The following CTNNAL1 variants were observed in gnomAD, a reference collection of about 807,000 sequenced individuals.
The protein encoded by CTNNAL1 is catenin alpha like 1.
Under a neutral mutation model 93.6 loss-of-function variants are expected in CTNNAL1, and 69 were observed. The observed-to-expected ratio is 0.74, with a 90% CI of 0.61 to 0.90. The LOEUF is 0.90. CTNNAL1 is among the 40% of genes least tolerant of loss of function. The probability of loss-of-function intolerance (pLI) is 0.00; values close to 1 mark genes in which losing one functional copy is unlikely to be tolerated. For missense variants in CTNNAL1, 836 were observed against 862.0 expected, an observed-to-expected ratio of 0.97 and a Z score of 0.38; for synonymous variants, 286 against 305.4, an observed-to-expected ratio of 0.94 and a Z score of 0.66.
rs191491997 is a variant in CTNNAL1, at chr9:108,952,534, T to C, written c.1630-40A>G. ...AGATTAAGATTATCTTAAAAAGCAG[T>C]ACATTAAACTGTAAGGAAATACAAT... On this transcript the variant is annotated intron_variant, in intron 12 of 18. Coordinates refer to ENST00000325551, the MANE Select transcript of CTNNAL1 (RefSeq NM_003798.4). 3.1e-6 allele frequency: 5 copies of C among 1,608,348 alleles called. No homozygotes were observed. The Admixed American group carries it at 8.4e-5, about 27-fold the overall frequency.
At chr9:109,003,547 T>C (rs892338054) in intron 1 of CTNNAL1, among the ~76,000 whole-genome samples, 1 of 152,220 alleles carries the variant, frequency 6.6e-6, no homozygotes, top group African/African-American at 2.4e-5. Flanking sequence ...ACTTGAGTCT[T>C]AATCAAGGAA....
At chr9:108,965,277 G>T in intron 11 of CTNNAL1, 101 bp downstream of exon 11, 1 of 990,342 alleles carries the variant, frequency 1.0e-6, no homozygotes, top group Non-Finnish European at 1.4e-6. Context: ...ACCCAGCTGG[G>T]TTACGACAAG....
chr9:108,979,251 AT>A, intron 7 of CTNNAL1, 29 bp downstream of exon 7: 1 of 1,612,936 alleles, frequency 6.2e-7, no homozygotes, highest in Non-Finnish European at 8.5e-7. Context: ...ATTATATAAG[AT>A]TTACTTTGAT....
chr9:108,972,577 A>G, intron 9 of CTNNAL1, 98 bp downstream of exon 9: 1 of 1,046,094 alleles, frequency 9.6e-7, no homozygotes, highest in Non-Finnish European at 1.4e-6. Context: ...GAAAATGCTC[A>G]GATAAATTAA....
chr9:108,944,456 T>A (rs1267813645), intron 15 of CTNNAL1, among the ~76,000 whole-genome samples: 3 of 152,218 alleles, frequency 2.0e-5, no homozygotes, highest in African/African-American at 4.8e-5. Context: ...CCATACATAT[T>A]CCATAACCAG....
chr9:108,994,232 A>G (rs959293361), intron 2 of CTNNAL1, among the ~76,000 whole-genome samples: 1 of 149,148 alleles, frequency 6.7e-6, no homozygotes, highest in East Asian at 1.9e-4. Flanking sequence ...CTTGGTCTCA[A>G]AAAAAAAAAA....
At chr9:108,972,864 G>GGGGCC in intron 8 of CTNNAL1, 31 bp from the exon 9 acceptor site, 11 of 142,538 alleles carry the variant, frequency 7.7e-5, no homozygotes, top group Non-Finnish European at 1.1e-4. Context: ...GGGGGGGTGG[G>GGGGCC]AGGGTGGAGA....
intron 12 of CTNNAL1, among the ~76,000 whole-genome samples, chr9:108,954,744 G>A (rs1587947897): frequency 1.3e-5 from 2 of 152,118 alleles, no homozygotes; most frequent in African/African-American, 2.4e-5. Context: ...TTAAATGCCA[G>A]TCCCTTTTCA....
chr9:108,975,554 G>A (rs1403790125), intron 8 of CTNNAL1, among the ~76,000 whole-genome samples: 1 of 152,128 alleles, frequency 6.6e-6, no homozygotes, highest in African/African-American at 2.4e-5. Context: ...AAGTGAAAAA[G>A]GGAGAAGAGA....
chr9:108,973,909 A>G (rs1831188922), intron 8 of CTNNAL1, among the ~76,000 whole-genome samples: 1 of 152,228 alleles, frequency 6.6e-6, no homozygotes, highest in Non-Finnish European at 1.5e-5. Flanking sequence ...GAATAATTAC[A>G]GTTAGAAACA....
intron 15 of CTNNAL1, among the ~76,000 whole-genome samples, chr9:108,945,780 T>C (rs969752566): frequency 7.9e-5 from 12 of 152,266 alleles, no homozygotes; most frequent in Admixed American, 3.9e-4. Flanking sequence ...CAGACTGTTT[T>C]TACTGTTTTG....
chr9:108,977,610 A>G (rs1200129984), intron 7 of CTNNAL1, among the ~76,000 whole-genome samples: 3 of 152,148 alleles, frequency 2.0e-5, no homozygotes, highest in Non-Finnish European at 2.9e-5. Context: ...TTGTTTGTTT[A>G]AAGTCTATCT....
chr9:108,993,072 G>GT (rs919842578), intron 2 of CTNNAL1, among the ~76,000 whole-genome samples: 3 of 152,196 alleles, frequency 2.0e-5, no homozygotes, highest in African/African-American at 7.2e-5. Context: ...CATAATTTTT[G>GT]TTTCCAGTGG....
chr9:109,009,087 G>A (rs1314050706), intron 1 of CTNNAL1, among the ~76,000 whole-genome samples: 1 of 151,206 alleles, frequency 6.6e-6, no homozygotes, highest in Non-Finnish European at 1.5e-5. Flanking sequence ...GTAGAGACGG[G>A]GTTTCACCAT....
intron 4 of CTNNAL1, among the ~76,000 whole-genome samples, chr9:108,988,295 G>A (rs1340684094): frequency 1.3e-5 from 2 of 152,070 alleles, no homozygotes; most frequent in African/African-American, 4.8e-5. Flanking sequence ...TGTTGGCCAG[G>A]CTGGTCTCAA....
intron 4 of CTNNAL1, among the ~76,000 whole-genome samples, chr9:108,990,193 C>T (rs1428305055): frequency 1.3e-5 from 2 of 152,160 alleles, no homozygotes; most frequent in African/African-American, 4.8e-5. Context: ...GGTTCAGTTT[C>T]CCTATATGTA....
rs1288772898 is a variant in CTNNAL1, at chr9:109,013,409, C to G, written c.34G>C (p.Gly12Arg). The G allele has an allele frequency of 4.7e-6, 7 of 1,488,764 alleles. No individual in the cohort carries two copies. The highest frequency in any genetic ancestry group is 6.3e-6 in the Non-Finnish European group (7 of 1,118,078). The allele number at this position is 1,488,764 out of a possible 1,614,324, so 92.2% of individuals were successfully genotyped here. A position where few individuals can be genotyped will look rare whatever the true frequency, so the allele number is the denominator to read the frequency against. Residue 12 changes from glycine (G) to arginine (R), a missense_variant, in exon 1 of 19, where the codon GGC (glycine) becomes CGC (arginine). Transcript: ENST00000325551. ...CCGGAGCCGTAGACTGCTCCGGCGC[C>G]GCCAACGCCGGCGGGTCCGGGAGAG... ...AASPGPAGVG[G>R]AGAVYGSGSS...
At chr9:108,990,546 C>T (rs879509679) in intron 4 of CTNNAL1, among the ~76,000 whole-genome samples, 180 bp downstream of exon 4, 1 of 151,856 alleles carries the variant, frequency 6.6e-6, no homozygotes, top group Non-Finnish European at 1.5e-5. Flanking sequence ...TATAAATGTA[C>T]AAAAAAAGAC....
At position 108,972,769 on chromosome 9, in the gene CTNNAL1, A is replaced by G. The variant is rs1474603046; in HGVS notation, c.1253T>C (p.Leu418Pro). 6.2e-7 allele frequency: 1 copy of G among 1,602,902 alleles called. No individual in the cohort carries two copies. Among genetic ancestry groups the G allele is most frequent in the East Asian group, 2.3e-5 (1 of 44,184 alleles). Residue 418 changes from leucine (L) to proline (P), a missense_variant, in exon 9 of 19, where the codon CTA becomes CCA. Leu to Pro is a moderately conservative substitution (Grantham distance 98). Transcript: ENST00000325551. ...TACTCCAGTAAGTTTTAATGCTTTT[A>G]GAACCACATGATCAGCATGGTATTT... ...LLKYHADHVV[L>P]KALKLTGVEG...
Sources: gnomAD v4.1 joint callset for allele counts (sites outside exome capture counted in the v4.1 genomes callset) on GRCh38, gnomAD v4.1.1 for gene constraint, MANE v1.5 for transcripts, NCBI Gene and HGNC (gene_info 2026-07-23, HGNC 2026-07-21) for gene names.